Variants in DPYD observed in about 807,000 individuals in gnomAD.
DPYD encodes dihydropyrimidine dehydrogenase.
A neutral mutation model predicts 116.2 loss-of-function variants in DPYD; 109 were observed. That is an observed-to-expected ratio of 0.94 (90% CI 0.80 to 1.10). The LOEUF (loss-of-function observed/expected upper bound fraction) is 1.10. Ranked by LOEUF, DPYD falls within the 50% of genes least tolerant of loss-of-function variation. DPYD has a pLI of 0.00. For missense variants in DPYD, 1,302 were observed against 1,254.5 expected, an observed-to-expected ratio of 1.04 and a Z score of -0.57; for synonymous variants, 440 against 432.0, an observed-to-expected ratio of 1.02 and a Z score of -0.23.
intron 5 of DPYD, among the ~76,000 whole-genome samples, chr1:97,706,561 T>C (rs920935884): frequency 6.6e-6 from 1 of 152,096 alleles, no homozygotes; most frequent in African/African-American, 2.4e-5. Flanking sequence ...CTGGTCTTTT[T>C]AGTGCCTCCA....
intron 20 of DPYD, among the ~76,000 whole-genome samples, chr1:97,176,925 TA>T (rs1657323130): frequency 7.2e-6 from 1 of 139,368 alleles, no homozygotes; most frequent in Non-Finnish European, 1.6e-5. Flanking sequence ...AGATTAACTC[TA>T]AGAAGTTTCT....
chr1:97,591,964 T>C lies in DPYD; in HGVS notation c.1128+1254A>G, dbSNP rs868132358. Among the ~76,000 whole-genome samples, 4 of 151,718 alleles carry C rather than the reference T, an allele frequency of 2.6e-5. No individual in the cohort carries two copies. In the East Asian group the frequency reaches 7.7e-4, roughly 29 times the overall value. ...TATAAAAAAGTCTAAAAAGGGTAGA[T>C]TGGATGGAGAAAAGTCCAGATAATA... is the stretch of plus-strand genomic sequence containing the variant. On this transcript the variant is annotated intron_variant, in intron 10 of 22. Transcript: ENST00000370192.
At chr1:97,461,540 T>C (rs1284419695) in intron 13 of DPYD, among the ~76,000 whole-genome samples, 1 of 152,134 alleles carries the variant, frequency 6.6e-6, no homozygotes, top group East Asian at 1.9e-4. Context: ...ATGAGGAGGA[T>C]AAAAAGTTTG....
chr1:97,370,124 T>C (rs978380758), intron 16 of DPYD, among the ~76,000 whole-genome samples: 1 of 152,158 alleles, frequency 6.6e-6, no homozygotes, highest in Non-Finnish European at 1.5e-5. Context: ...TTATAATCCT[T>C]TGGGTATATA....
intron 8 of DPYD, among the ~76,000 whole-genome samples, chr1:97,655,023 A>G (rs1658823426): frequency 6.6e-6 from 1 of 152,154 alleles, no homozygotes; most frequent in Non-Finnish European, 1.5e-5. Context: ...TCCATGATTC[A>G]ATTATCTCCC....
chr1:97,478,877 C>T (rs1006669651), intron 13 of DPYD, among the ~76,000 whole-genome samples: 13 of 152,318 alleles, frequency 8.5e-5, no homozygotes, highest in South Asian at 6.2e-4. Context: ...CTTGCTGCTT[C>T]GCCTTGTAAT....
intron 2 of DPYD, among the ~76,000 whole-genome samples, chr1:97,836,794 TAA>T (rs886528371): frequency 5.9e-5 from 9 of 151,716 alleles, no homozygotes; most frequent in East Asian, 1.9e-4. Flanking sequence ...CAATTTAACA[TAA>T]GTCTCAATAA....
chr1:97,887,680 G>A (rs143891905), intron 1 of DPYD, among the ~76,000 whole-genome samples: 2 of 151,734 alleles, frequency 1.3e-5, no homozygotes, highest in East Asian at 2.0e-4. Context: ...CCCATTAAGA[G>A]GGCCCATGTG....
At chr1:97,236,445 T>C (rs1661931936) in intron 18 of DPYD, among the ~76,000 whole-genome samples, 1 of 150,254 alleles carries the variant, frequency 6.7e-6, no homozygotes, top group Non-Finnish European at 1.5e-5. Context: ...AAACAAAAAG[T>C]TAAAGGGCTT....
intron 20 of DPYD, among the ~76,000 whole-genome samples, chr1:97,172,781 C>T (rs1032866697): frequency 6.6e-6 from 1 of 152,178 alleles, no homozygotes; most frequent in Non-Finnish European, 1.5e-5. Flanking sequence ...AGATTTGTAA[C>T]TCTTTCTCTA....
At chr1:97,656,815 T>A (rs1658932343) in intron 8 of DPYD, among the ~76,000 whole-genome samples, 1 of 149,262 alleles carries the variant, frequency 6.7e-6, no homozygotes, top group Non-Finnish European at 1.5e-5. Context: ...TTAGGAATTT[T>A]TTATTTTTTT....
intron 18 of DPYD, among the ~76,000 whole-genome samples, chr1:97,273,496 TTTA>T (rs1664731676): frequency 1.3e-5 from 2 of 152,320 alleles, no homozygotes; most frequent in South Asian, 4.1e-4. Flanking sequence ...CAGTTAAACC[TTTA>T]AAGTGTAAAT....
intron 2 of DPYD, among the ~76,000 whole-genome samples, chr1:97,834,533 C>A (rs1446925939): frequency 6.6e-6 from 1 of 151,876 alleles, no homozygotes; most frequent in Non-Finnish European, 1.5e-5. Flanking sequence ...AGAGAATTAT[C>A]ACAAGGGAAA....
intron 20 of DPYD, among the ~76,000 whole-genome samples, chr1:97,139,114 C>CA (rs1430066368): frequency 1.3e-5 from 2 of 152,106 alleles, no homozygotes; most frequent in East Asian, 3.9e-4. Flanking sequence ...AAATCTTATC[C>CA]AAAATGTAAA....
chr1:97,707,118 G>A (rs978453864), intron 5 of DPYD, among the ~76,000 whole-genome samples: 3 of 151,818 alleles, frequency 2.0e-5, no homozygotes, highest in African/African-American at 4.8e-5. Flanking sequence ...TAGAAAGGTG[G>A]GGTTTTTAAA....
At chr1:97,538,886 G>T (rs1356023003) in intron 12 of DPYD, among the ~76,000 whole-genome samples, 1 of 151,948 alleles carries the variant, frequency 6.6e-6, no homozygotes, top group African/African-American at 2.4e-5. Context: ...TTCAGAGGGG[G>T]GTTGACAAAT....
chr1:97,636,986 T>C (rs1000258563), intron 8 of DPYD, among the ~76,000 whole-genome samples: 6 of 152,248 alleles, frequency 3.9e-5, no homozygotes, highest in Middle Eastern at 3.4e-3. Context: ...AGAGTTGGTA[T>C]AAGAAATTAA....
intron 14 of DPYD, among the ~76,000 whole-genome samples, chr1:97,438,578 T>C (rs1675592513): frequency 6.6e-6 from 1 of 152,024 alleles, no homozygotes; most frequent in South Asian, 2.1e-4. Context: ...CTTGTCAAAC[T>C]CACTGATTAC....
chr1:97,287,200 C>T (rs552177143), intron 18 of DPYD, among the ~76,000 whole-genome samples: 1 of 152,300 alleles, frequency 6.6e-6, no homozygotes, highest in Non-Finnish European at 1.5e-5. Flanking sequence ...ACTCCAGACC[C>T]TGTTTGCCTG....
Sources: allele counts gnomAD v4.1 joint callset (sites outside exome capture counted in the v4.1 genomes callset), GRCh38; gene constraint gnomAD v4.1.1; transcripts MANE v1.5; gene names NCBI Gene and HGNC (gene_info 2026-07-23, HGNC 2026-07-21).